ME3: variants seen among roughly 807,000 people sequenced by gnomAD.
The protein encoded by ME3 is NADP-dependent malic enzyme, mitochondrial.
In ME3, 48 loss-of-function variants were observed where a neutral mutation model predicts 68.9. The observed-to-expected ratio is 0.70, with a 90% CI of 0.55 to 0.89. The LOEUF is 0.89. Among genes scored for constraint, ME3 ranks in the 40% least tolerant of loss-of-function variants. The pLI is 0.00. For synonymous variants in ME3, 320 were observed against 318.8 expected (o/e 1.00, Z -0.04); for missense variants, 675 against 797.4 (o/e 0.85, Z 1.85).
In ME3 at chr11:86,595,332, G is replaced by GAGA. The variant is rs1565186315; in HGVS notation, c.184-35510_184-35509insTCT. ...AGAGAGAGAGAGAGAGAGAGAGAGA[G>GAGA]CTTATTATGTATCAGTCACTGGTCC... On this transcript the variant is annotated intron_variant, in intron 2 of 14. Coordinates refer to ENST00000543262, the Ensembl canonical transcript of ME3. Among the ~76,000 whole-genome samples the GAGA allele has an allele frequency of 9.6e-4, 129 of 134,386 alleles. 13 individuals are homozygous for GAGA. The highest frequency in any genetic ancestry group is 3.4e-3 in the African/African-American group (122 of 36,144). The allele number at this position is 134,386 out of a possible 152,430, so 88.2% of individuals were successfully genotyped here.
chr11:86,597,558 A>C (rs1232663114), intron 2 of ME3, among the ~76,000 whole-genome samples: 1 of 152,238 alleles, frequency 6.6e-6, no homozygotes, highest in African/African-American at 2.4e-5. Flanking sequence ...TCTGTGAAGT[A>C]TGCTCTCTGG....
rs111357838 is a variant in ME3 at position 86,495,846 on chromosome 11, A to G, written c.705+2117T>C. Among the ~76,000 whole-genome samples, 1,446 of 152,268 alleles carry G rather than the reference A, an allele frequency of 9.5e-3. 18 individuals are homozygous for G. Among genetic ancestry groups the G allele is most frequent in the African/African-American group, 0.03 (1,259 of 41,570 alleles). On this transcript the variant is annotated intron_variant, in intron 6 of 14. Transcript: ENST00000543262. ...TAGTCTCTCAATATACTGAAAGGCA[A>G]TTAAGTCTAAGGAGGTGCAATGACT...
At chr11:86,476,455 C>T (rs1394699269) in intron 7 of ME3, among the ~76,000 whole-genome samples, 8 of 152,174 alleles carry the variant, frequency 5.3e-5, no homozygotes, top group Non-Finnish European at 1.5e-5. Flanking sequence ...TGGGTGATCT[C>T]AGAGCAATTT....
At chr11:86,671,825 C>T (rs1237316287) in exon 2 of ME3, 3 of 1,600,468 alleles carry the variant, frequency 1.9e-6, no homozygotes, top group African/African-American at 1.4e-5. Context: ...CAGGGCGCGC[C>T]GGGCCAGGCT....
chr11:86,522,008 G>C (rs1207908827), intron 4 of ME3, among the ~76,000 whole-genome samples: 1 of 152,180 alleles, frequency 6.6e-6, no homozygotes, highest in East Asian at 1.9e-4. Flanking sequence ...CCAGTACTTT[G>C]GGAGGCCGAA....
intron 2 of ME3, among the ~76,000 whole-genome samples, chr11:86,637,706 A>C (rs1032029107): frequency 1.3e-5 from 2 of 152,082 alleles, no homozygotes; most frequent in Non-Finnish European, 2.9e-5. Context: ...AGCACAGGAA[A>C]CTTTTTAAGA....
intron 8 of ME3, among the ~76,000 whole-genome samples, chr11:86,461,530 G>C (rs1295616222): frequency 3.9e-5 from 6 of 152,222 alleles, no homozygotes; most frequent in African/African-American, 1.2e-4. Context: ...GGGAAGTTGA[G>C]CTGTGATGCA....
intron 2 of ME3, among the ~76,000 whole-genome samples, chr11:86,577,582 C>T (rs1341723728): frequency 6.6e-6 from 1 of 152,124 alleles, no homozygotes; most frequent in Admixed American, 6.5e-5. Flanking sequence ...CCTCCTGCAG[C>T]ATATTAACCA....
intron 8 of ME3, among the ~76,000 whole-genome samples, chr11:86,452,043 T>C (rs1030548043): frequency 5.3e-5 from 8 of 152,164 alleles, no homozygotes; most frequent in South Asian, 2.1e-4. Context: ...AAGCAAGACA[T>C]TGTGTTTTTC....
chr11:86,500,867 A>C (rs2139038607), intron 5 of ME3, among the ~76,000 whole-genome samples: 1 of 152,114 alleles, frequency 6.6e-6, no homozygotes, highest in South Asian at 2.1e-4. Context: ...CCTTCCCCTG[A>C]ATTGCCATAT....
At chr11:86,474,304 A>G (rs1417074214) in intron 7 of ME3, among the ~76,000 whole-genome samples, 1 of 152,234 alleles carries the variant, frequency 6.6e-6, no homozygotes, top group Admixed American at 6.5e-5. Context: ...TTCCTCAGTC[A>G]CAGCTCTGAC....
At chr11:86,616,607 C>T (rs1196002725) in intron 2 of ME3, among the ~76,000 whole-genome samples, 1 of 152,196 alleles carries the variant, frequency 6.6e-6, no homozygotes, top group Non-Finnish European at 1.5e-5. Context: ...AATTCTACCT[C>T]TGTGATAGTC....
rs911819601 is a variant in ME3, at chr11:86,449,882, A to G, written c.1131+7T>C. 3.1e-6 allele frequency: 5 copies of G among 1,608,026 alleles called. No individual in the cohort carries two copies. In the African/African-American group the frequency reaches 6.7e-5, roughly 22 times the overall value. ...AGGAAACCTCCAGGTCTCCAGACTG[A>G]CAGTACCTTGACAATGAGCCCTTTA... On this transcript the variant is annotated splice_region_variant and intron_variant, in intron 10 of 14. Coordinates refer to ENST00000543262, the Ensembl canonical transcript of ME3.
intron 2 of ME3, among the ~76,000 whole-genome samples, chr11:86,657,270 A>G (rs1006170832): frequency 2.0e-5 from 3 of 152,222 alleles, no homozygotes; most frequent in African/African-American, 7.2e-5. Flanking sequence ...CATATACACC[A>G]TGGAATACTA....
At chr11:86,486,250 T>G (rs1320465127) in intron 7 of ME3, among the ~76,000 whole-genome samples, 1 of 152,240 alleles carries the variant, frequency 6.6e-6, no homozygotes, top group Non-Finnish European at 1.5e-5. Context: ...CCATCATTCA[T>G]TTTGTCTTTT....
intron 4 of ME3, among the ~76,000 whole-genome samples, chr11:86,530,653 A>G (rs1192857969): frequency 1.3e-5 from 2 of 152,246 alleles, no homozygotes; most frequent in African/African-American, 2.4e-5. Context: ...AAACAGAGAT[A>G]TAGACCAATG....
intron 2 of ME3, among the ~76,000 whole-genome samples, chr11:86,632,432 C>A (rs75949674): frequency 6.6e-6 from 1 of 152,166 alleles, no homozygotes; most frequent in African/African-American, 2.4e-5. Context: ...CTGTTCCTCA[C>A]ACTACAGCCA....
intron 4 of ME3, among the ~76,000 whole-genome samples, chr11:86,552,603 C>T (rs1374606376): frequency 1.3e-5 from 2 of 152,142 alleles, no homozygotes; most frequent in Non-Finnish European, 2.9e-5. Context: ...AAGCACCGCC[C>T]CCCATGCTGT....
chr11:86,472,169 T>G (rs546671319), intron 7 of ME3, among the ~76,000 whole-genome samples: 5 of 152,192 alleles, frequency 3.3e-5, no homozygotes, highest in African/African-American at 1.2e-4. Flanking sequence ...GTGAGTATGG[T>G]GCCTTCCTGG....
Sources: gnomAD v4.1 joint callset for allele counts (sites outside exome capture counted in the v4.1 genomes callset) on GRCh38, gnomAD v4.1.1 for gene constraint, MANE v1.5 for transcripts, NCBI Gene and HGNC (gene_info 2026-07-23, HGNC 2026-07-21) for gene names.